The following SREBF2 variants were observed in gnomAD, a reference collection of about 807,000 sequenced individuals.
SREBF2 encodes the protein sterol regulatory element binding transcription factor 2.
SREBF2 carries 55 observed loss-of-function variants against 113.1 expected under a neutral mutation model. That is an observed-to-expected ratio of 0.49 (90% confidence interval 0.39 to 0.61). The LOEUF (loss-of-function observed/expected upper bound fraction) is 0.61, where lower values mean the gene tolerates loss of function less well. SREBF2 is among the 20% of genes least tolerant of loss of function. The probability of loss-of-function intolerance (pLI) is 0.00; values close to 1 mark genes in which losing one functional copy is unlikely to be tolerated. For missense variants in SREBF2, 1,349 were observed against 1,487.4 expected, an observed-to-expected ratio of 0.91 and a Z score of 1.53; for synonymous variants, 593 against 605.7, an observed-to-expected ratio of 0.98 and a Z score of 0.31.
rs774875916 is a variant in SREBF2, at chr22:41,904,948, G to A, written c.3179G>A (p.Arg1060Gln). ...THQLLEHSLR[R>Q]RTTQSTKHGE... is the part of the protein sequence containing the mutation. ...CAGCTGCTGGAACACAGCCTGCGGC[G>A]GCGCACCACGCAGAGCACCAAGCAC... Residue 1060 changes from arginine to glutamine, a missense_variant, in exon 18 of 19, where the codon CGG becomes CAG. Arg to Gln is a conservative substitution (Grantham distance 43, BLOSUM62 1). Coordinates refer to ENST00000361204, the MANE Select transcript of SREBF2 (RefSeq NM_004599.4). 1.4e-5 allele frequency: 23 copies of A among 1,600,486 alleles called. No homozygotes were observed. The highest frequency in any genetic ancestry group is 6.7e-5 in the South Asian group (6 of 89,716).
intron 1 of SREBF2, among the ~76,000 whole-genome samples, chr22:41,844,515 C>T (rs2076859525): frequency 6.6e-6 from 1 of 152,108 alleles, no homozygotes; most frequent in African/African-American, 2.4e-5. Context: ...AATCCCAGAG[C>T]CTGTGCCTTA....
chr22:41,898,790 C>T lies in SREBF2; in HGVS notation c.2738+9C>T. ...GCCCTGGAAGTGACAGAGTGCGTAA[C>T]CCTCCTTGGCCACTCACTTGCTTCT... is the stretch of plus-strand genomic sequence containing the variant. On this transcript the variant is annotated intron_variant, in intron 15 of 18. Coordinates refer to ENST00000361204, the MANE Select transcript of SREBF2 (RefSeq NM_004599.4). The T allele has an allele frequency of 8.1e-6, 13 of 1,613,834 alleles. No homozygotes were observed. Among genetic ancestry groups the T allele is most frequent in the Non-Finnish European group, 1.1e-5 (13 of 1,179,920 alleles).
At chr22:41,881,407 C>T (rs1049237733) in intron 10 of SREBF2, among the ~76,000 whole-genome samples, 1 of 152,194 alleles carries the variant, frequency 6.6e-6, no homozygotes, top group Non-Finnish European at 1.5e-5. Flanking sequence ...GACAGTTCAG[C>T]GTGAGTATGT....
chr22:41,892,705 C>T (rs1452361223), intron 11 of SREBF2, among the ~76,000 whole-genome samples: 1 of 152,008 alleles, frequency 6.6e-6, no homozygotes, highest in Non-Finnish European at 1.5e-5. Context: ...AAGGGGCTGC[C>T]TGGCTTGGCA....
chr22:41,866,963 G>A lies in SREBF2; in HGVS notation c.221G>A (p.Ser74Asn). The change falls in exon 2 of 19, where the codon AGC (serine) becomes AAC (asparagine). Residue 74 changes from serine to asparagine, a missense_variant. Ser to Asn is a conservative substitution (Grantham distance 46). Around this residue, in one of 2 missense-constraint regions of SREBF2, gnomAD observed 699 missense variants for 843.3 expected, o/e 0.83. Coordinates refer to ENST00000361204, the MANE Select transcript of SREBF2 (RefSeq NM_004599.4). Reference protein sequence around the residue: ...SGSSGSSSSSSNGRGSSSGAV... With the variant: ...SGSSGSSSSSNNGRGSSSGAV... ...AGCAGTGGCAGCAGCAGCAGCAGCA[G>A]CAATGGCAGGGGCAGCAGCAGCGGA... is the stretch of plus-strand genomic sequence containing the variant. 6.2e-7 allele frequency: 1 copy of A among 1,614,146 alleles called. No individual in the cohort carries two copies. Among genetic ancestry groups the A allele is most frequent in the Non-Finnish European group, 8.5e-7 (1 of 1,180,010 alleles).
rs1013060238 is a variant in SREBF2, at chr22:41,833,687, C to A, written c.88+329C>A. On this transcript the variant is annotated intron_variant, in intron 1 of 18. Coordinates refer to ENST00000361204, the MANE Select transcript of SREBF2 (RefSeq NM_004599.4). The surrounding 1 kb of genome is among the most constrained non-coding windows in gnomAD (Gnocchi z 4.1). ...GAGAGCGCGTGGCCGCCGCCTCCCTCGCGCGCCCACACGCGGTTTCCGTGG... is the reference window on the plus strand; with the variant it reads ...GAGAGCGCGTGGCCGCCGCCTCCCTAGCGCGCCCACACGCGGTTTCCGTGG... 1.3e-5 allele frequency: 3 copies of A among 228,084 alleles called. No homozygotes were observed. The highest frequency in any genetic ancestry group is 6.8e-5 in the African/African-American group (3 of 43,958). The allele number at this position is 228,084 out of a possible 1,614,324, so 14.1% of individuals were successfully genotyped here.
chr22:41,879,141 A>C (rs2077223524), intron 9 of SREBF2, among the ~76,000 whole-genome samples: 1 of 152,220 alleles, frequency 6.6e-6, no homozygotes, highest in Non-Finnish European at 1.5e-5. Context: ...GATTACAGGC[A>C]TGAGCCACCA....
At chr22:41,889,577 C>G (rs2077336250) in intron 11 of SREBF2, among the ~76,000 whole-genome samples, 1 of 152,026 alleles carries the variant, frequency 6.6e-6, no homozygotes. Context: ...CCCAGCTCCT[C>G]AGGAGACTGA....
intron 1 of SREBF2, among the ~76,000 whole-genome samples, chr22:41,863,110 A>G (rs1466664898): frequency 6.6e-6 from 1 of 152,170 alleles, no homozygotes; most frequent in Non-Finnish European, 1.5e-5. Flanking sequence ...TGACCTGCAT[A>G]AGGGTCTACC....
intron 1 of SREBF2, among the ~76,000 whole-genome samples, chr22:41,856,934 G>A (rs745370075): frequency 2.0e-5 from 3 of 152,168 alleles, no homozygotes; most frequent in Middle Eastern, 3.4e-3. Flanking sequence ...GGGCGTGGTG[G>A]CAGGCGGCTG....
At chr22:41,851,001 A>G (rs1446954604) in intron 1 of SREBF2, among the ~76,000 whole-genome samples, 1 of 152,160 alleles carries the variant, frequency 6.6e-6, no homozygotes, top group Non-Finnish European at 1.5e-5. Context: ...TCGGCCTCCC[A>G]AAGTGCTGGG....
chr22:41,857,052 G>A lies in SREBF2; in HGVS notation c.89-9779G>A, dbSNP rs977850938. ...ACTGCACTCCAGCCTGGGCAACAGA[G>A]CAAGACTCTGTCTCAAAAAAAAAAA... On this transcript the variant is annotated intron_variant, in intron 1 of 18. Coordinates refer to ENST00000361204, the MANE Select transcript of SREBF2 (RefSeq NM_004599.4). Among the ~76,000 whole-genome samples, 3 of 138,682 alleles carry A rather than the reference G, an allele frequency of 2.2e-5. No homozygotes were observed. The Admixed American group carries it at 2.2e-4, about 10-fold the overall frequency. The allele number at this position is 138,682 out of a possible 152,430, so 91.0% of individuals were successfully genotyped here.
chr22:41,863,066 T>C (rs2077040923), intron 1 of SREBF2, among the ~76,000 whole-genome samples: 1 of 152,148 alleles, frequency 6.6e-6, no homozygotes, highest in African/African-American at 2.4e-5. Context: ...CCCACATGCC[T>C]GTGTAGTGGG....
chr22:41,903,249 T>C, intron 17 of SREBF2, 94 bp downstream of exon 17: 1 of 1,474,830 alleles, frequency 6.8e-7, no homozygotes, highest in South Asian at 1.2e-5. Flanking sequence ...GGTTGTGGAG[T>C]TGGCCCTCTG....
intron 1 of SREBF2, among the ~76,000 whole-genome samples, chr22:41,837,995 C>T (rs915453842): frequency 6.6e-6 from 1 of 152,042 alleles, no homozygotes; most frequent in African/African-American, 2.4e-5. Context: ...TACTGCAGAA[C>T]GTCCTGTTGT....
chr22:41,867,870 G>A (rs1293250385), intron 2 of SREBF2, among the ~76,000 whole-genome samples: 1 of 152,154 alleles, frequency 6.6e-6, no homozygotes, highest in Admixed American at 6.6e-5. Context: ...AACTAGTGGT[G>A]GAGACTTGAA....
At chr22:41,872,016 C>T (rs887182695) in intron 4 of SREBF2, among the ~76,000 whole-genome samples, 15 of 151,444 alleles carry the variant, frequency 9.9e-5, no homozygotes, top group Admixed American at 4.6e-4. Flanking sequence ...TTTGGGAGGC[C>T]GAGGTGGGTA....
At chr22:41,895,024 G>A (rs1190967506) in intron 13 of SREBF2, 87 bp downstream of exon 13, 3 of 1,040,888 alleles carry the variant, frequency 2.9e-6, no homozygotes, top group Non-Finnish European at 4.5e-6. Context: ...CTCCTGGAGG[G>A]AAACAAGCCT....
Position 41,906,019 on chromosome 22 carries a change from G to A in SREBF2, c.*359G>A. 1 of 494,148 alleles carries A rather than the reference G, an allele frequency of 2.0e-6. No homozygotes were observed. The highest frequency in any genetic ancestry group is 4.0e-6 in the Non-Finnish European group (1 of 252,568). 30.6% of individuals were successfully genotyped at this position (494,148 alleles called of 1,614,324 possible). On this transcript the variant is annotated 3_prime_UTR_variant, in exon 19 of 19. Transcript: ENST00000361204. Reference sequence around the variant, plus strand: ...TTTTTGCTTCCTCAGTTTTTATCAGGCTTTCTCTGGGGGACAGCAGTCTCT... The same window carrying A: ...TTTTTGCTTCCTCAGTTTTTATCAGACTTTCTCTGGGGGACAGCAGTCTCT...
Sources: gnomAD v4.1 joint callset for allele counts (sites outside exome capture counted in the v4.1 genomes callset) on GRCh38, gnomAD v4.1.1 for gene constraint, gnomAD v4.1.1 regional missense constraint, Gnocchi (gnomAD v3.1) non-coding constraint, MANE v1.5 for transcripts, NCBI Gene and HGNC (gene_info 2026-07-23, HGNC 2026-07-21) for gene names.